ELMO1: variants seen among roughly 807,000 people sequenced by gnomAD.
ELMO1 encodes engulfment and cell motility protein 1.
Under a neutral mutation model 98.9 loss-of-function variants are expected in ELMO1, and 26 were observed. The observed-to-expected ratio is 0.26, with a 90% CI of 0.19 to 0.36. ELMO1 has a LOEUF of 0.36. ELMO1 is among the 10% of genes least tolerant of loss of function. The pLI, the probability that ELMO1 is intolerant of heterozygous loss-of-function variation, is 1.00. For synonymous variants in ELMO1, 346 were observed against 346.0 expected (o/e 1.00, Z 0.00); for missense variants, 627 against 935.2 (o/e 0.67, Z 4.30).
chr7:37,133,537 A>G (rs1009640799), intron 13 of ELMO1, among the ~76,000 whole-genome samples: 1 of 152,186 alleles, frequency 6.6e-6, no homozygotes, highest in African/African-American at 2.4e-5. Flanking sequence ...TGCAAAAATT[A>G]TTTCTGGTGG....
intron 10 of ELMO1, among the ~76,000 whole-genome samples, chr7:37,221,842 C>T (rs1236981601): frequency 2.0e-5 from 3 of 152,052 alleles, no homozygotes; most frequent in Admixed American, 6.6e-5. Flanking sequence ...GGATTACAGG[C>T]GTGCACTATC....
intron 16 of ELMO1, among the ~76,000 whole-genome samples, chr7:36,937,039 G>T (rs1445582369): frequency 6.6e-6 from 1 of 152,126 alleles, no homozygotes; most frequent in Non-Finnish European, 1.5e-5. Flanking sequence ...ATGTTGGGAG[G>T]CTTTGTTTTA....
At chr7:37,424,862 T>C (rs1313656226) in intron 1 of ELMO1, among the ~76,000 whole-genome samples, 16 of 151,008 alleles carry the variant, frequency 1.1e-4, no homozygotes, top group Non-Finnish European at 2.2e-4. Flanking sequence ...ATAATTATTA[T>C]ATATTTTTAA....
chr7:37,231,551 G>C (rs1794177350), intron 8 of ELMO1, among the ~76,000 whole-genome samples: 1 of 152,044 alleles, frequency 6.6e-6, no homozygotes, highest in Non-Finnish European at 1.5e-5. Context: ...CCAAATTGAG[G>C]AACATTATAC....
intron 14 of ELMO1, among the ~76,000 whole-genome samples, chr7:37,111,701 C>A (rs1785258539): frequency 6.6e-6 from 1 of 152,168 alleles, no homozygotes; most frequent in South Asian, 2.1e-4. Context: ...AGTGAGAATT[C>A]AATAAGGTAA....
chr7:36,955,099 C>G (rs1165417797), intron 16 of ELMO1, among the ~76,000 whole-genome samples: 2 of 152,220 alleles, frequency 1.3e-5, no homozygotes, highest in African/African-American at 4.8e-5. Flanking sequence ...CACGTTGTAT[C>G]TTATGAGCCT....
chr7:36,904,661 CA>C (rs1783826184), intron 16 of ELMO1, among the ~76,000 whole-genome samples: 1 of 152,188 alleles, frequency 6.6e-6, no homozygotes, highest in Non-Finnish European at 1.5e-5. Context: ...AAACGTTAAC[CA>C]GCAATTCATC....
chr7:37,026,799 C>T (rs1794601784), intron 15 of ELMO1, among the ~76,000 whole-genome samples: 1 of 152,088 alleles, frequency 6.6e-6, no homozygotes, highest in Non-Finnish European at 1.5e-5. Context: ...TCTTTCATTT[C>T]CTCCTTCTAT....
At chr7:37,021,174 G>A (rs771289407) in intron 15 of ELMO1, among the ~76,000 whole-genome samples, 5 of 152,120 alleles carry the variant, frequency 3.3e-5, no homozygotes, top group Non-Finnish European at 7.4e-5. Flanking sequence ...GGTGAAAAGA[G>A]GAGAGTGGGG....
chr7:37,355,786 CT>C (rs2131311687), intron 1 of ELMO1, among the ~76,000 whole-genome samples: 1 of 152,342 alleles, frequency 6.6e-6, no homozygotes, highest in Non-Finnish European at 1.5e-5. Context: ...GTTCTAAATC[CT>C]TTCTCCGCAA....
At chr7:37,278,584 G>C (rs1029034411) in intron 4 of ELMO1, among the ~76,000 whole-genome samples, 6 of 152,238 alleles carry the variant, frequency 3.9e-5, no homozygotes, top group African/African-American at 1.4e-4. Flanking sequence ...CCTGTGGACA[G>C]TAGATAGCAG....
intron 13 of ELMO1, among the ~76,000 whole-genome samples, chr7:37,199,228 A>G (rs1354424467): frequency 1.3e-5 from 2 of 152,032 alleles, no homozygotes; most frequent in Non-Finnish European, 2.9e-5. Context: ...ATTACCGTAA[A>G]AAGTAAGAAG....
At chr7:36,891,649 T>C (rs549699723) in intron 17 of ELMO1, among the ~76,000 whole-genome samples, 5 of 152,214 alleles carry the variant, frequency 3.3e-5, no homozygotes, top group Non-Finnish European at 7.4e-5. Context: ...CCCAGGCATA[T>C]GAAAAGTGCT....
chr7:36,940,120 G>A (rs938454594), intron 16 of ELMO1, among the ~76,000 whole-genome samples: 1 of 152,218 alleles, frequency 6.6e-6, no homozygotes, highest in Non-Finnish European at 1.5e-5. Context: ...CTGGGTGAGT[G>A]AAGAGTAAAT....
intron 7 of ELMO1, among the ~76,000 whole-genome samples, chr7:37,241,810 A>G (rs1000017121): frequency 6.6e-6 from 1 of 152,200 alleles, no homozygotes; most frequent in Non-Finnish European, 1.5e-5. Flanking sequence ...TGTCATACAT[A>G]TTGCATCAAC....
chr7:36,931,776 G>A (rs557847815), intron 16 of ELMO1, among the ~76,000 whole-genome samples: 1 of 152,216 alleles, frequency 6.6e-6, no homozygotes, highest in African/African-American at 2.4e-5. Context: ...TGCTTGAGCT[G>A]CGTAACCTTG....
At chr7:37,291,720 G>A (rs1020678398) in intron 4 of ELMO1, among the ~76,000 whole-genome samples, 1 of 152,152 alleles carries the variant, frequency 6.6e-6, no homozygotes, top group Non-Finnish European at 1.5e-5. Context: ...TTTGAGACCA[G>A]CCTGGCCAAC....
chr7:37,302,273 G>C (rs559571597), intron 4 of ELMO1, among the ~76,000 whole-genome samples: 96 of 152,182 alleles, frequency 6.3e-4, no homozygotes, highest in Non-Finnish European at 1.2e-3. Flanking sequence ...TGGGACAACA[G>C]GTGTGTGCCA....
intron 21 of ELMO1, among the ~76,000 whole-genome samples, chr7:36,860,722 G>C (rs1802562116): frequency 6.6e-6 from 1 of 152,156 alleles, no homozygotes; most frequent in Non-Finnish European, 1.5e-5. Flanking sequence ...TTTTCAGAAA[G>C]ATGAAGACAA....
Sources: gnomAD v4.1 joint callset for allele counts (sites outside exome capture counted in the v4.1 genomes callset) on GRCh38, gnomAD v4.1.1 for gene constraint, MANE v1.5 for transcripts, NCBI Gene and HGNC (gene_info 2026-07-23, HGNC 2026-07-21) for gene names.